The following PTPRG variants were observed in gnomAD, a reference collection of about 807,000 sequenced individuals.
The protein encoded by PTPRG is protein tyrosine phosphatase receptor type G, also known as receptor-type tyrosine-protein phosphatase gamma.
A neutral mutation model predicts 165.3 loss-of-function variants in PTPRG; 102 were observed. The observed-to-expected ratio is 0.62, with a 90% CI of 0.53 to 0.73. PTPRG has a LOEUF of 0.73. Ranked by LOEUF, PTPRG falls within the 30% of genes least tolerant of loss-of-function variation. The pLI, the probability that PTPRG is intolerant of heterozygous loss-of-function variation, is 0.00. For synonymous variants in PTPRG, 675 were observed against 669.5 expected (o/e 1.01, Z -0.13); for missense variants, 1,866 against 1,861.4 (o/e 1.00, Z -0.05).
rs957978755 is a variant in PTPRG, at chr3:61,741,176, G to T, written c.86-7702G>T. Among the ~76,000 whole-genome samples, 4 of 152,174 alleles carry T rather than the reference G, an allele frequency of 2.6e-5. 1 individual carries two copies. In the South Asian group the frequency reaches 8.3e-4, roughly 32 times the overall value. On this transcript the variant is annotated intron_variant, in intron 1 of 29. Transcript: ENST00000474889. ...AATTTAGAGAAAATTGTGCTCAATG[G>T]AGATTTCACCATCCTTGAGGGATCT...
chr3:62,271,252 A>C lies in PTPRG; in HGVS notation c.3010-131A>C. On this transcript the variant is annotated intron_variant, in intron 20 of 29. Transcript: ENST00000474889. The surrounding 1 kb of genome is among the most constrained non-coding windows in gnomAD (Gnocchi z 4.1). ...GGCATGAAAGTTGGCTACAAGGGGG[A>C]ATAACCTAGCCTGGGAACAGTGATT... 1.4e-6 allele frequency: 1 copy of C among 725,244 alleles called. No individual in the cohort carries two copies. Among genetic ancestry groups the C allele is most frequent in the South Asian group, 2.5e-5 (1 of 39,678 alleles). 44.9% of individuals were successfully genotyped at this position (725,244 alleles called of 1,614,324 possible).
intron 1 of PTPRG, among the ~76,000 whole-genome samples, chr3:61,632,891 C>T (rs1701807397): frequency 6.6e-6 from 1 of 152,156 alleles, no homozygotes; most frequent in African/African-American, 2.4e-5. Context: ...TCCACATGAT[C>T]CAGCTTCTGT....
At chr3:61,640,796 C>T (rs1252422080) in intron 1 of PTPRG, among the ~76,000 whole-genome samples, 1 of 152,218 alleles carries the variant, frequency 6.6e-6, no homozygotes, top group Admixed American at 6.5e-5. Flanking sequence ...CACGTTTCTA[C>T]TTCTGGTTTC....
At chr3:62,223,695 T>G (rs1700698524) in intron 13 of PTPRG, among the ~76,000 whole-genome samples, 1 of 152,180 alleles carries the variant, frequency 6.6e-6, no homozygotes, top group Non-Finnish European at 1.5e-5. Context: ...ATGGTGAATG[T>G]GAGGTAGTGT....
intron 4 of PTPRG, among the ~76,000 whole-genome samples, chr3:62,068,374 G>A (rs1165130222): frequency 6.6e-6 from 1 of 152,044 alleles, no homozygotes. Flanking sequence ...CCGTCAAGCA[G>A]GTAAGTTCAA....
intron 1 of PTPRG, among the ~76,000 whole-genome samples, chr3:61,608,830 A>G (rs143607074): frequency 4.6e-5 from 7 of 152,350 alleles, no homozygotes; most frequent in Non-Finnish European, 5.9e-5. Flanking sequence ...ATTCAGGGCT[A>G]GATGATGGAA....
intron 4 of PTPRG, among the ~76,000 whole-genome samples, chr3:62,075,143 A>AT (rs1270429042): frequency 6.6e-6 from 1 of 152,240 alleles, no homozygotes; most frequent in East Asian, 1.9e-4. Context: ...CTAAAAATGT[A>AT]TTTTTTTACC....
At chr3:61,795,625 G>GTGA (rs1553669882) in intron 2 of PTPRG, among the ~76,000 whole-genome samples, 1 of 106,322 alleles carries the variant, frequency 9.4e-6, no homozygotes, top group South Asian at 3.4e-4. Context: ...GGGTGACAGA[G>GTGA]CAAGACTCCG....
intron 1 of PTPRG, among the ~76,000 whole-genome samples, chr3:61,686,086 G>A (rs72876301): frequency 5.3e-5 from 8 of 152,292 alleles, no homozygotes; most frequent in Non-Finnish European, 1.2e-4. Context: ...GTGGTCTTGC[G>A]TGGGGAGGGA....
chr3:61,602,336 G>A (rs1020247334), intron 1 of PTPRG, among the ~76,000 whole-genome samples: 10 of 152,048 alleles, frequency 6.6e-5, no homozygotes, highest in African/African-American at 2.4e-4. Flanking sequence ...GTAATTAAAA[G>A]AGAAGTTCAA....
At chr3:61,793,743 CTTG>C (rs113881544) in intron 2 of PTPRG, among the ~76,000 whole-genome samples, 70 of 152,270 alleles carry the variant, frequency 4.6e-4, no homozygotes, top group African/African-American at 1.3e-3. Context: ...ATGCTGTCTA[CTTG>C]TTGTTGTTTT....
chr3:62,136,249 G>A (rs1466719232), intron 6 of PTPRG, among the ~76,000 whole-genome samples: 3 of 152,160 alleles, frequency 2.0e-5, no homozygotes, highest in Non-Finnish European at 4.4e-5. Flanking sequence ...CCCTCACCAT[G>A]TATGCATATG....
intron 1 of PTPRG, among the ~76,000 whole-genome samples, chr3:61,701,214 T>C (rs1559563540): frequency 6.6e-6 from 1 of 152,202 alleles, no homozygotes; most frequent in Non-Finnish European, 1.5e-5. Flanking sequence ...CTGAGCTCTC[T>C]GATTCTTTGG....
intron 8 of PTPRG, among the ~76,000 whole-genome samples, chr3:62,180,343 A>G (rs1010174728): frequency 1.3e-5 from 2 of 152,184 alleles, no homozygotes; most frequent in Admixed American, 6.5e-5. Flanking sequence ...GGGGACTACA[A>G]CATTGTCTCA....
rs1198011780 is a variant in PTPRG, at chr3:61,995,659, G to T, written c.370+5855G>T. Among the ~76,000 whole-genome samples, 5 of 149,944 alleles carry T rather than the reference G, an allele frequency of 3.3e-5. No homozygotes were observed. In the East Asian group the frequency reaches 9.8e-4, roughly 29 times the overall value. On this transcript the variant is annotated intron_variant, in intron 3 of 29. Coordinates refer to ENST00000474889, the MANE Select transcript of PTPRG (RefSeq NM_002841.4). ...TCTTCATATGTTTCTGATAGTCTAG[G>T]CTTTCCGCCTGCCTGCCCGCCCGCC...
chr3:61,775,468 A>C (rs1276551482), intron 2 of PTPRG, among the ~76,000 whole-genome samples: 1 of 152,176 alleles, frequency 6.6e-6, no homozygotes, highest in African/African-American at 2.4e-5. Flanking sequence ...GAATATGGGC[A>C]GATGTTTTTA....
At chr3:61,793,617 A>G (rs967467301) in intron 2 of PTPRG, among the ~76,000 whole-genome samples, 3 of 152,206 alleles carry the variant, frequency 2.0e-5, no homozygotes, top group Non-Finnish European at 2.9e-5. Flanking sequence ...AAGCAATACA[A>G]TGGGGAAAGG....
rs1246896291 is a variant in PTPRG, at chr3:61,671,138, C to CTTTTCTTTTTT, written c.86-77736_86-77735insCTTTTTTTTTT. Among the ~76,000 whole-genome samples the CTTTTCTTTTTT allele has an allele frequency of 4.8e-3, 596 of 124,866 alleles. 6 individuals carry two copies. Among genetic ancestry groups the CTTTTCTTTTTT allele is most frequent in the African/African-American group, 0.017 (558 of 33,626 alleles). The allele number at this position is 124,866 out of a possible 152,430, so 81.9% of individuals were successfully genotyped here. On this transcript the variant is annotated intron_variant, in intron 1 of 29. Coordinates refer to ENST00000474889, the MANE Select transcript of PTPRG (RefSeq NM_002841.4). The stretch of plus-strand genomic sequence containing the variant: ...CTTCTCCTGATACTGTATGAACTTT[C>CTTTTCTTTTTT]TTTTTTTTTTTTTTTTTTTAATTGA...
chr3:61,695,839 G>T (rs1481890069), intron 1 of PTPRG, among the ~76,000 whole-genome samples: 1 of 152,108 alleles, frequency 6.6e-6, no homozygotes, highest in Non-Finnish European at 1.5e-5. Context: ...ATGATGTACA[G>T]AATTAATCAA....
Sources: gnomAD v4.1 joint callset for allele counts (sites outside exome capture counted in the v4.1 genomes callset) on GRCh38, gnomAD v4.1.1 for gene constraint, Gnocchi (gnomAD v3.1) non-coding constraint, MANE v1.5 for transcripts, NCBI Gene and HGNC (gene_info 2026-07-23, HGNC 2026-07-21) for gene names.